Variants in ERLIN1 observed in about 807,000 individuals in gnomAD.
The protein encoded by ERLIN1 is erlin-1.
ERLIN1 carries 24 observed loss-of-function variants against 46.9 expected under a neutral mutation model. The observed-to-expected ratio is 0.51, with a 90% confidence interval of 0.37 to 0.72. The LOEUF (loss-of-function observed/expected upper bound fraction) is 0.72. ERLIN1 is among the 30% of genes least tolerant of loss of function. ERLIN1 has a pLI of 0.00. For synonymous variants in ERLIN1, 158 were observed against 143.2 expected (o/e 1.10, Z -0.74); for missense variants, 293 against 417.9 (o/e 0.70, Z 2.61).
chr10:100,171,278 T>G (rs12249121), intron 6 of ERLIN1, among the ~76,000 whole-genome samples: 20,609 of 152,040 alleles, frequency 0.14, 3,174 homozygotes, highest in African/African-American at 0.38. Context: ...AGAAAAAATT[T>G]GAAGAAAATG....
intron 6 of ERLIN1, among the ~76,000 whole-genome samples, chr10:100,168,083 C>T (rs1843746333): frequency 6.6e-6 from 1 of 152,156 alleles, no homozygotes; most frequent in African/African-American, 2.4e-5. Context: ...AGATTATCTA[C>T]CTGGACAGTA....
chr10:100,171,715 A>C (rs149193273), intron 6 of ERLIN1, among the ~76,000 whole-genome samples: 1,682 of 152,306 alleles, frequency 0.011, 20 homozygotes, highest in African/African-American at 0.038. Context: ...CCAGCCAAAA[A>C]TAGCTTATTA....
At position 100,179,080 on chromosome 10, in the gene ERLIN1, ATCAGAAGTCCCCTTGG is replaced by A. The variant is rs554698964; in HGVS notation, c.242+105_242+120del. The A allele has an allele frequency of 4.2e-6, 3 of 714,872 alleles. No individual in the cohort carries two copies. In the South Asian group the frequency reaches 5.2e-5, roughly 12 times the overall value. The allele number at this position is 714,872 out of a possible 1,614,324, so 44.3% of individuals were successfully genotyped here. On this transcript the variant is annotated intron_variant, in intron 3 of 10. Transcript: ENST00000421367. ...AGGCCTTTGCTCAAACAATGCTCAG[ATCAGAAGTCCCCTTGG>A]GTTAACTATCATGCCTATTTGAGAT...
rs764053073 is a variant in ERLIN1, at chr10:100,152,092, G to C, written c.*39C>G. 2.3e-6 allele frequency: 3 copies of C among 1,290,980 alleles called. No individual in the cohort carries two copies. Among genetic ancestry groups the C allele is most frequent in the Admixed American group, 1.7e-5 (1 of 58,788 alleles). The allele number at this position is 1,290,980 out of a possible 1,614,324, so 80.0% of individuals were successfully genotyped here. On this transcript the variant is annotated 3_prime_UTR_variant, in exon 11 of 11. Coordinates refer to ENST00000421367, the MANE Select transcript of ERLIN1 (RefSeq NM_006459.4). ...ATGATTGTTCCCACTTAACCCCTTG[G>C]GCCACATCTTGATATGGAGAACATT...
chr10:100,155,746 C>CCTTG (rs1468051731), intron 9 of ERLIN1, among the ~76,000 whole-genome samples: 1 of 152,112 alleles, frequency 6.6e-6, no homozygotes, highest in African/African-American at 2.4e-5. Flanking sequence ...GATCTCCTGA[C>CCTTG]CTTGTGATCC....
At position 100,154,906 on chromosome 10, in the gene ERLIN1, G is replaced by C; in HGVS notation, c.779C>G (p.Ala260Gly). 1 of 1,613,882 alleles carries C rather than the reference G, an allele frequency of 6.2e-7. No individual in the cohort carries two copies. The highest frequency in any genetic ancestry group is 8.5e-7 in the Non-Finnish European group (1 of 1,179,822). ...GTGTGCAGCATAATATTCAGCATCT[G>C]CTTTCGCTTTCTCTCGGGCCAGGAA... is the stretch of plus-strand genomic sequence containing the variant. Reference protein sequence around the residue: ...AAFLAREKAKADAEYYAAHKY... With the variant: ...AAFLAREKAKGDAEYYAAHKY... The change falls in exon 10 of 11, where the codon GCA becomes GGA. Residue 260 changes from alanine to glycine, a missense_variant. This residue lies in a region of ERLIN1 where 148 missense variants were observed against 266.5 expected (regional missense o/e 0.56). Transcript: ENST00000421367.
intron 8 of ERLIN1, among the ~76,000 whole-genome samples, chr10:100,158,457 T>C (rs1843187386): frequency 6.6e-6 from 1 of 151,944 alleles, no homozygotes; most frequent in Non-Finnish European, 1.5e-5. Flanking sequence ...GTAGGCTAAA[T>C]TACCATTCAA....
intron 8 of ERLIN1, among the ~76,000 whole-genome samples, chr10:100,158,392 A>C (rs925323092): frequency 2.0e-5 from 3 of 152,252 alleles, no homozygotes; most frequent in Non-Finnish European, 2.9e-5. Flanking sequence ...GCAGCCAAAC[A>C]AAATTGAAAT....
Position 100,181,252 on chromosome 10 carries a change from A to G in ERLIN1, c.196-2005T>C, listed in dbSNP as rs1844628382. Among the ~76,000 whole-genome samples the G allele has an allele frequency of 3.3e-5, 5 of 152,174 alleles. No homozygotes were observed. In the South Asian group the frequency reaches 1.0e-3, roughly 31 times the overall value. ...CTTTATGTACTTTTATATTTCTTTT[A>G]TGTCCTCTTAAAAATTACTTTCCCA... On this transcript the variant is annotated intron_variant, in intron 2 of 10. Coordinates refer to ENST00000421367, the MANE Select transcript of ERLIN1 (RefSeq NM_006459.4).
intron 8 of ERLIN1, among the ~76,000 whole-genome samples, chr10:100,162,310 G>C (rs1004871155): frequency 6.6e-6 from 1 of 152,018 alleles, no homozygotes; most frequent in Admixed American, 6.5e-5. Context: ...CTAACAATCA[G>C]GGAAATTCAA....
At chr10:100,169,028 G>A (rs1330929682) in intron 6 of ERLIN1, among the ~76,000 whole-genome samples, 3 of 152,156 alleles carry the variant, frequency 2.0e-5, no homozygotes, top group Admixed American at 6.5e-5. Flanking sequence ...TGAGGCTGAA[G>A]AACATACTAC....
At chr10:100,172,359 G>GCATAATA (rs1844052886) in intron 6 of ERLIN1, among the ~76,000 whole-genome samples, 1 of 152,122 alleles carries the variant, frequency 6.6e-6, no homozygotes, top group Admixed American at 6.5e-5. Flanking sequence ...TGTTATCCCT[G>GCATAATA]CATAATAAGA....
chr10:100,163,860 A>T, intron 8 of ERLIN1, 144 bp downstream of exon 8: 1 of 609,444 alleles, frequency 1.6e-6, no homozygotes, highest in Non-Finnish European at 2.9e-6. Context: ...GCTTTAGAAC[A>T]TCTGAATGTA....
chr10:100,160,617 A>T (rs1406960557), intron 8 of ERLIN1, among the ~76,000 whole-genome samples: 1 of 152,218 alleles, frequency 6.6e-6, no homozygotes, highest in Non-Finnish European at 1.5e-5. Flanking sequence ...ATAATTTACC[A>T]TATTAACAGC....
intron 4 of ERLIN1, 98 bp from the exon 5 acceptor site, chr10:100,176,168 G>T: frequency 9.9e-7 from 1 of 1,011,112 alleles, no homozygotes; most frequent in African/African-American, 1.6e-5. Context: ...TATTACACAT[G>T]AGGAAAAGTG....
chr10:100,175,909 T>C (rs189795699), intron 5 of ERLIN1, 36 bp downstream of exon 5: 118 of 1,596,460 alleles, frequency 7.4e-5, no homozygotes, highest in Non-Finnish European at 9.2e-5. Context: ...AGATTTCCAA[T>C]TGGCTATTTA....
intron 8 of ERLIN1, among the ~76,000 whole-genome samples, chr10:100,158,830 GA>G (rs1843206972): frequency 6.6e-6 from 1 of 151,850 alleles, no homozygotes; most frequent in South Asian, 2.1e-4. Context: ...CAAGTAAAAG[GA>G]AGAAAAGAAA....
In ERLIN1 at chr10:100,182,231, T is replaced by C. The variant is rs191190809; in HGVS notation, c.195+1525A>G. Among the ~76,000 whole-genome samples the C allele has an allele frequency of 5.9e-3, 883 of 149,406 alleles. 23 individuals carry two copies. Among genetic ancestry groups the C allele is most frequent in the Admixed American group, 0.052 (773 of 14,928 alleles). ...TTTTTTAAGAGACGGAGTTTCCCCA[T>C]GTTGCCCAGGCTGGTCTCAAACTCC... On this transcript the variant is annotated intron_variant, in intron 2 of 10. Coordinates refer to ENST00000421367, the MANE Select transcript of ERLIN1 (RefSeq NM_006459.4).
At chr10:100,183,430 A>G (rs1448064968) in intron 2 of ERLIN1, among the ~76,000 whole-genome samples, 2 of 152,242 alleles carry the variant, frequency 1.3e-5, no homozygotes, top group African/African-American at 4.8e-5. Context: ...CCACATAATC[A>G]CTGGTTTGTA....
Sources: gnomAD v4.1 joint callset for allele counts (sites outside exome capture counted in the v4.1 genomes callset) on GRCh38, gnomAD v4.1.1 for gene constraint, gnomAD v4.1.1 regional missense constraint, MANE v1.5 for transcripts, NCBI Gene and HGNC (gene_info 2026-07-23, HGNC 2026-07-21) for gene names.